The following POU2F3 variants were observed in gnomAD, a reference collection of about 807,000 sequenced individuals.
POU2F3 encodes the protein POU class 2 homeobox 3, also known as POU domain, class 2, transcription factor 3.
POU2F3 carries 23 observed loss-of-function variants against 59.2 expected under a neutral mutation model. The observed-to-expected ratio is 0.39, with a 90% CI of 0.28 to 0.55. The LOEUF is 0.55. Ranked by LOEUF, POU2F3 falls within the 20% of genes least tolerant of loss-of-function variation. POU2F3 has a pLI of 0.66. For missense variants in POU2F3, 473 were observed against 544.5 expected, an observed-to-expected ratio of 0.87 and a Z score of 1.31; for synonymous variants, 190 against 214.6, an observed-to-expected ratio of 0.89 and a Z score of 1.00.
chr11:120,263,227 T>C (rs1355606105), intron 2 of POU2F3, among the ~76,000 whole-genome samples: 1 of 152,160 alleles, frequency 6.6e-6, no homozygotes, highest in Non-Finnish European at 1.5e-5. Context: ...CCTGACCTTG[T>C]GATCTGCCCA....
chr11:120,315,126 AG>A (rs928110825), intron 10 of POU2F3, among the ~76,000 whole-genome samples: 3 of 152,212 alleles, frequency 2.0e-5, no homozygotes, highest in Non-Finnish European at 4.4e-5. Flanking sequence ...CAGGGGCTGG[AG>A]GGCCCTGGTG....
rs949358975 is a variant in POU2F3 at position 120,319,185 on chromosome 11, A to C, written c.*793A>C. 1 of 152,672 alleles carries C rather than the reference A, an allele frequency of 6.5e-6. No individual in the cohort carries two copies. Among genetic ancestry groups the C allele is most frequent in the Admixed American group, 6.5e-5 (1 of 15,282 alleles). The allele number at this position is 152,672 out of a possible 1,614,324, so 9.5% of individuals were successfully genotyped here. ...CCCCTCTCCTTTCTCCTGGCAGCAG[A>C]AAAGGAAGAACACAAGAGCAAACAC... On this transcript the variant is annotated 3_prime_UTR_variant, in exon 13 of 13. Transcript: ENST00000543440.
rs970568377 is a variant in POU2F3 at position 120,319,872 on chromosome 11, T to C, written c.*1480T>C. ...GTAACTTAAAAAAAAAAAGACTACA[T>C]GTCTAGGAAACTGTTGAGATTCAAA... On this transcript the variant is annotated 3_prime_UTR_variant, in exon 13 of 13. Coordinates refer to ENST00000543440, the MANE Select transcript of POU2F3 (RefSeq NM_014352.4). The C allele has an allele frequency of 6.6e-5, 10 of 152,212 alleles. No homozygotes were observed. Among genetic ancestry groups the C allele is most frequent in the African/African-American group, 2.4e-4 (10 of 41,320 alleles). The allele number at this position is 152,212 out of a possible 1,614,324, so 9.4% of individuals were successfully genotyped here.
At chr11:120,291,364 G>A (rs948394962) in intron 3 of POU2F3, among the ~76,000 whole-genome samples, 13 of 152,210 alleles carry the variant, frequency 8.5e-5, no homozygotes, top group African/African-American at 3.1e-4. Context: ...TTGGTCTTTA[G>A]GACTAACTTG....
chr11:120,302,261 C>G (rs2135287891), intron 5 of POU2F3, 25 bp from the exon 6 acceptor site: 1 of 1,553,846 alleles, frequency 6.4e-7, no homozygotes, highest in East Asian at 2.2e-5. Context: ...TTTGTCTGTT[C>G]CTTTGTCCCT....
intron 5 of POU2F3, chr11:120,302,056 G>A (rs1941363164): frequency 4.0e-6 from 2 of 505,250 alleles, no homozygotes; most frequent in Non-Finnish European, 7.1e-6. Context: ...CTGGTTTGGG[G>A]ACTGCTGTTT....
intron 2 of POU2F3, among the ~76,000 whole-genome samples, chr11:120,267,594 G>T (rs557245445): frequency 1.1e-4 from 8 of 74,776 alleles, no homozygotes; most frequent in African/African-American, 6.7e-4. Context: ...ACAGGAAAGG[G>T]CTGTACTTGC....
At chr11:120,302,696 A>G in intron 6 of POU2F3, 1 of 272,720 alleles carries the variant, frequency 3.7e-6, no homozygotes, top group Non-Finnish European at 6.9e-6. Context: ...TCTCAGGCAT[A>G]CCAAGATGGC....
chr11:120,314,832 C>A (rs752331101), intron 10 of POU2F3, among the ~76,000 whole-genome samples: 1 of 152,174 alleles, frequency 6.6e-6, no homozygotes, highest in Non-Finnish European at 1.5e-5. Flanking sequence ...GCTTCAGAGA[C>A]CAAAGTTCAG....
intron 7 of POU2F3, 122 bp from the exon 8 acceptor site, chr11:120,305,522 C>A: frequency 7.1e-7 from 1 of 1,404,968 alleles, no homozygotes; most frequent in Non-Finnish European, 9.7e-7. Flanking sequence ...AGGAGCCGAG[C>A]ATGGGTGAGC....
At chr11:120,309,942 A>G (rs1591443323) in intron 10 of POU2F3, among the ~76,000 whole-genome samples, 1 of 152,174 alleles carries the variant, frequency 6.6e-6, no homozygotes, top group African/African-American at 2.4e-5. Context: ...GTGGCTGGGG[A>G]CAGAACGAGA....
intron 2 of POU2F3, among the ~76,000 whole-genome samples, chr11:120,264,241 G>A (rs1024445701): frequency 6.9e-6 from 1 of 145,336 alleles, no homozygotes; most frequent in African/African-American, 2.6e-5. Flanking sequence ...ACAATTAGCT[G>A]AGCATGGTGG....
chr11:120,295,229 G>A (rs1324740087), intron 3 of POU2F3, among the ~76,000 whole-genome samples: 14 of 152,210 alleles, frequency 9.2e-5, no homozygotes, highest in Non-Finnish European at 2.1e-4. Flanking sequence ...AACAGATAGC[G>A]CCCAGGTTGG....
At chr11:120,292,090 G>A (rs576058233) in intron 3 of POU2F3, among the ~76,000 whole-genome samples, 5 of 152,302 alleles carry the variant, frequency 3.3e-5, no homozygotes, top group East Asian at 3.9e-4. Flanking sequence ...TTACATGTGT[G>A]AGCCACTGTG....
At chr11:120,262,995 A>AT (rs964295574) in intron 2 of POU2F3, among the ~76,000 whole-genome samples, 25 of 135,844 alleles carry the variant, frequency 1.8e-4, no homozygotes, top group Non-Finnish European at 3.1e-4. Context: ...TTATTTATTT[A>AT]TTATTATTTA....
chr11:120,286,240 G>C, intron 3 of POU2F3, among the ~76,000 whole-genome samples: 1 of 152,128 alleles, frequency 6.6e-6, no homozygotes, highest in East Asian at 1.9e-4. Flanking sequence ...ATGGATATTA[G>C]GTTGCTTCCA....
chr11:120,299,488 C>A, intron 4 of POU2F3, 136 bp from the exon 5 acceptor site: 1 of 646,756 alleles, frequency 1.5e-6, no homozygotes. Context: ...ACTGGGGATA[C>A]ACAGTGGCAT....
Position 120,315,430 on chromosome 11 carries a change from G to A in POU2F3, c.1135+3G>A. 1 of 1,611,498 alleles carries A rather than the reference G, an allele frequency of 6.2e-7. No individual in the cohort carries two copies. The stretch of plus-strand genomic sequence containing the variant: ...CCACAGTACCATGCCTGGAACAGGT[G>A]AGCTTTAAAATGAGATTTCTGAAGA... On this transcript the variant is annotated splice_donor_region_variant and intron_variant, in intron 11 of 12. Transcript: ENST00000543440.
At chr11:120,248,634 G>T (rs903099007) in intron 2 of POU2F3, among the ~76,000 whole-genome samples, 1 of 152,148 alleles carries the variant, frequency 6.6e-6, no homozygotes, top group East Asian at 1.9e-4. Context: ...CAAGGAGCCC[G>T]TGATGTCTGG....
Sources: gnomAD v4.1 joint callset for allele counts (sites outside exome capture counted in the v4.1 genomes callset) on GRCh38, gnomAD v4.1.1 for gene constraint, MANE v1.5 for transcripts, NCBI Gene and HGNC (gene_info 2026-07-23, HGNC 2026-07-21) for gene names.